Variants in SHISA6 observed in about 807,000 individuals in gnomAD.
SHISA6 encodes shisa family member 6, also known as protein shisa-6.
Under a neutral mutation model 47.9 loss-of-function variants are expected in SHISA6, and 22 were observed. The ratio of observed to expected loss-of-function variants is 0.46; its 90% CI spans 0.33 to 0.66. The LOEUF (loss-of-function observed/expected upper bound fraction) is 0.66. Among genes scored for constraint, SHISA6 ranks in the 30% least tolerant of loss-of-function variants. The pLI is 0.02. For synonymous variants in SHISA6, 388 were observed against 337.8 expected, an observed-to-expected ratio of 1.15 and a Z score of -1.63; for missense variants, 680 against 764.6, an observed-to-expected ratio of 0.89 and a Z score of 1.30.
Position 11,558,203 on chromosome 17 carries a change from C to T in SHISA6, c.1555C>T (p.His519Tyr), listed in dbSNP as rs1484104376. The part of the protein sequence containing the change: ...LGQSQTAAKR[H>Y]AFASRRHNTV... ...CCAGAGCCAGACGGCAGCCAAGCGT[C>T]ATGCCTTTGCCTCACGCAGACACAA... is the stretch of plus-strand genomic sequence containing the variant. Residue 519 changes from histidine (H) to tyrosine (Y), a missense_variant, in exon 6 of 6, where the codon CAT becomes TAT. Around this residue, in one of 2 missense-constraint regions of SHISA6, gnomAD observed 559 missense variants for 674.1 expected, o/e 0.83. Coordinates refer to ENST00000441885, the MANE Select transcript of SHISA6 (RefSeq NM_207386.4). 1 of 1,543,364 alleles carries T rather than the reference C, an allele frequency of 6.5e-7. No individual in the cohort carries two copies. Among genetic ancestry groups the T allele is most frequent in the Non-Finnish European group, 8.7e-7 (1 of 1,146,970 alleles).
chr17:11,427,576 A>T (rs1567603312), intron 3 of SHISA6, among the ~76,000 whole-genome samples: 2 of 152,072 alleles, frequency 1.3e-5, no homozygotes, highest in Non-Finnish European at 2.9e-5. Context: ...TTAGACCCTC[A>T]CTGCTCAGGG....
intron 2 of SHISA6, among the ~76,000 whole-genome samples, chr17:11,300,321 G>A (rs552596614): frequency 3.3e-4 from 50 of 152,086 alleles, no homozygotes; most frequent in Admixed American, 2.0e-4. Flanking sequence ...CCACTGTGCC[G>A]TACTGACTTA....
At chr17:11,357,385 T>C (rs2142226222) in intron 2 of SHISA6, among the ~76,000 whole-genome samples, 1 of 152,254 alleles carries the variant, frequency 6.6e-6, no homozygotes, top group South Asian at 2.1e-4. Flanking sequence ...AGAATATTTC[T>C]AATTATGAAA....
At chr17:11,495,032 C>G (rs965889402) in intron 3 of SHISA6, among the ~76,000 whole-genome samples, 1 of 152,122 alleles carries the variant, frequency 6.6e-6, no homozygotes, top group Non-Finnish European at 1.5e-5. Context: ...TGTGGGGTTT[C>G]CTGAGACATG....
intron 3 of SHISA6, among the ~76,000 whole-genome samples, chr17:11,525,506 GCCT>G (rs1471530176): frequency 1.3e-5 from 2 of 151,460 alleles, no homozygotes; most frequent in Non-Finnish European, 2.9e-5. Flanking sequence ...GGTGGCACAT[GCCT>G]GTAGTCCCAG....
intron 2 of SHISA6, among the ~76,000 whole-genome samples, chr17:11,314,023 G>A (rs1225547928): frequency 6.6e-6 from 1 of 152,198 alleles, no homozygotes; most frequent in East Asian, 1.9e-4. Context: ...AGACTGTGCT[G>A]TGATCATCCC....
At chr17:11,302,954 C>T (rs1909979091) in intron 2 of SHISA6, among the ~76,000 whole-genome samples, 1 of 152,146 alleles carries the variant, frequency 6.6e-6, no homozygotes, top group Non-Finnish European at 1.5e-5. Context: ...AGGCTGATGG[C>T]TTTGTCATTT....
rs1910961960 is a variant in SHISA6, at chr17:11,327,960, T to TCTC, written c.800-51453_800-51452insTCC. ...CTCTGTCTCTCTGTCTCTCTCTCTC[T>TCTC]CATAGATACACACACACAGTTTTGT... On this transcript the variant is annotated intron_variant, in intron 2 of 5. Transcript: ENST00000441885. Among the ~76,000 whole-genome samples the TCTC allele has an allele frequency of 2.0e-5, 3 of 152,126 alleles. No individual in the cohort carries two copies. In the South Asian group the frequency reaches 6.2e-4, roughly 32 times the overall value.
chr17:11,334,333 A>C (rs1911240647), intron 2 of SHISA6, among the ~76,000 whole-genome samples: 1 of 152,198 alleles, frequency 6.6e-6, no homozygotes, highest in African/African-American at 2.4e-5. Flanking sequence ...AAGGAAAAAA[A>C]AAATTCACCC....
intron 3 of SHISA6, among the ~76,000 whole-genome samples, chr17:11,410,646 T>C (rs1914088800): frequency 7.6e-6 from 1 of 132,158 alleles, no homozygotes; most frequent in Non-Finnish European, 1.7e-5. Flanking sequence ...CCTTCATCCC[T>C]TAGGTCCAGG....
intron 2 of SHISA6, among the ~76,000 whole-genome samples, chr17:11,340,620 G>A (rs554352967): frequency 6.6e-6 from 1 of 152,296 alleles, no homozygotes; most frequent in South Asian, 2.1e-4. Flanking sequence ...TGCTTGTACA[G>A]AGGGATGGGA....
rs199533416 is a variant in SHISA6 at position 11,251,547 on chromosome 17, ATGGACC to A, written c.638+9489_638+9494del. 7.3e-3 allele frequency among the ~76,000 whole-genome samples: 1,112 copies of A among 152,228 alleles called. 28 individuals carry two copies. Among genetic ancestry groups the A allele is most frequent in the African/African-American group, 0.025 (1,058 of 41,528 alleles). ...GAAAAGAGGCGATTTGGGAGGCGGT[ATGGACC>A]TAGGGATATTTCTAGTTTTAATTAC... On this transcript the variant is annotated intron_variant, in intron 1 of 5. Transcript: ENST00000441885.
intron 1 of SHISA6, among the ~76,000 whole-genome samples, chr17:11,259,873 C>T (rs1337798024): frequency 6.6e-6 from 1 of 152,070 alleles, no homozygotes; most frequent in African/African-American, 2.4e-5. Context: ...CAGAAGGATG[C>T]CCGGGCTCAA....
chr17:11,302,349 A>G (rs1436567022), intron 2 of SHISA6, among the ~76,000 whole-genome samples: 2 of 152,330 alleles, frequency 1.3e-5, no homozygotes, highest in African/African-American at 4.8e-5. Context: ...AAGTTTGTCC[A>G]GTATAAAGTT....
rs1254744378 is a variant in SHISA6, at chr17:11,242,225, C to G, written c.638+165C>G. On this transcript the variant is annotated intron_variant, in intron 1 of 5. Coordinates refer to ENST00000441885, the MANE Select transcript of SHISA6 (RefSeq NM_207386.4). ...CAATAAATCAGGGTCTTCTTGTGCC[C>G]CCTCCTCCATTTCTTCAGAACCGGG... Among the ~76,000 whole-genome samples the G allele has an allele frequency of 5.3e-5, 8 of 152,308 alleles. No homozygotes were observed. In the East Asian group the frequency reaches 1.5e-3, roughly 29 times the overall value.
intron 3 of SHISA6, among the ~76,000 whole-genome samples, chr17:11,532,234 G>A (rs1228149043): frequency 3.9e-5 from 6 of 152,288 alleles, no homozygotes; most frequent in South Asian, 2.1e-4. Context: ...AATAGGCACC[G>A]GGATCTTCCC....
chr17:11,350,003 C>G (rs1911817150), intron 2 of SHISA6, among the ~76,000 whole-genome samples: 1 of 151,626 alleles, frequency 6.6e-6, no homozygotes, highest in Admixed American at 6.6e-5. Flanking sequence ...TGGTTCCTTT[C>G]ACATTTTCTT....
At chr17:11,524,327 G>C (rs2071657246) in intron 3 of SHISA6, among the ~76,000 whole-genome samples, 1 of 151,916 alleles carries the variant, frequency 6.6e-6, no homozygotes, top group South Asian at 2.1e-4. Context: ...TTCTTCTATA[G>C]GTTAATATGG....
chr17:11,276,722 A>T (rs1597435426), intron 2 of SHISA6, among the ~76,000 whole-genome samples: 1 of 152,048 alleles, frequency 6.6e-6, no homozygotes, highest in Non-Finnish European at 1.5e-5. Flanking sequence ...TATCATCATC[A>T]CCACTGCTGT....
Sources: allele counts gnomAD v4.1 joint callset (sites outside exome capture counted in the v4.1 genomes callset), GRCh38; gene constraint gnomAD v4.1.1; regional missense constraint gnomAD v4.1.1; transcripts MANE v1.5; gene names NCBI Gene and HGNC (gene_info 2026-07-23, HGNC 2026-07-21).